Variants in MMP2 observed in about 807,000 individuals in gnomAD.
MMP2 encodes the protein 72 kDa type IV collagenase.
In MMP2, 39 loss-of-function variants were observed where a neutral mutation model predicts 74.8. That is an observed-to-expected ratio of 0.52 (90% CI 0.40 to 0.68). The LOEUF (loss-of-function observed/expected upper bound fraction) is 0.68. Among genes scored for constraint, MMP2 ranks in the 30% least tolerant of loss-of-function variants. MMP2 has a pLI of 0.00. For synonymous variants in MMP2, 367 were observed against 339.8 expected, an observed-to-expected ratio of 1.08 and a Z score of -0.88; for missense variants, 803 against 878.3, an observed-to-expected ratio of 0.91 and a Z score of 1.08.
intron 9 of MMP2, among the ~76,000 whole-genome samples, chr16:55,494,330 T>A (rs1962484834): frequency 6.6e-6 from 1 of 152,208 alleles, no homozygotes; most frequent in Non-Finnish European, 1.5e-5. Flanking sequence ...CCAACCTATC[T>A]CCTAGGGCTG....
In MMP2 at chr16:55,485,688, C is replaced by G. The variant is rs749815676; in HGVS notation, c.743C>G (p.Thr248Ser). ...LFNGKEYNSC[T>S]DTGRSDGFLW... is the part of the protein sequence containing the mutation. ...AATGGCAAGGAGTACAACAGCTGCA[C>G]TGATACCGGCCGCAGCGATGGCTTC... Residue 248 changes from threonine (T) to serine (S), a missense_variant, in exon 5 of 13, where the codon ACT (threonine) becomes AGT (serine). Thr to Ser is a moderately conservative substitution (Grantham distance 58). Transcript: ENST00000219070. 1.2e-6 allele frequency: 2 copies of G among 1,614,166 alleles called. No individual in the cohort carries two copies. The highest frequency in any genetic ancestry group is 3.3e-5 in the Admixed American group (2 of 60,030).
chr16:55,484,906 C>A (rs1235243355), intron 3 of MMP2, among the ~76,000 whole-genome samples: 2 of 152,058 alleles, frequency 1.3e-5, no homozygotes, highest in Non-Finnish European at 2.9e-5. Flanking sequence ...GATAGTGTGA[C>A]ATGAAGGCAG....
intron 1 of MMP2, chr16:55,481,736 C>T: frequency 1.5e-6 from 1 of 658,030 alleles, no homozygotes; most frequent in Admixed American, 2.4e-5. Context: ...CGCTTGGCTT[C>T]AAATCAAAGA....
rs937775108 is a variant in MMP2, at chr16:55,479,716, G to A, written c.153+84G>A. The stretch of plus-strand genomic sequence containing the variant: ...TGGGGGTGTCTCTCCCCCTGCCCTC[G>A]GCGGTGGGCACACAGCGTGGGGGAG... On this transcript the variant is annotated intron_variant, in intron 1 of 12. Coordinates refer to ENST00000219070, the MANE Select transcript of MMP2 (RefSeq NM_004530.6). 5 of 1,574,722 alleles carry A rather than the reference G, an allele frequency of 3.2e-6. No homozygotes were observed. In the East Asian group the frequency reaches 1.1e-4, roughly 36 times the overall value.
rs1367429783 is a variant in MMP2, at chr16:55,485,664, A to G, written c.719A>G (p.Asn240Ser). The change falls in exon 5 of 13, where the codon AAT becomes AGT. Residue 240 changes from asparagine (N) to serine (S), a missense_variant. Transcript: ENST00000219070. ...TACTGCAAGTTCCCCTTCTTGTTCAATGGCAAGGAGTACAACAGCTGCACT... is the reference window on the plus strand; with the variant it reads ...TACTGCAAGTTCCCCTTCTTGTTCAGTGGCAAGGAGTACAACAGCTGCACT... ...GEYCKFPFLFNGKEYNSCTDT... is the reference protein window; with the variant it reads ...GEYCKFPFLFSGKEYNSCTDT... 31 of 1,614,014 alleles carry G rather than the reference A, an allele frequency of 1.9e-5. No homozygotes were observed. The highest frequency in any genetic ancestry group is 2.6e-5 in the Non-Finnish European group (31 of 1,180,010).
Position 55,492,009 on chromosome 16 carries a change from G to A in MMP2, c.1336+53G>A, listed in dbSNP as rs1962421457. The A allele has an allele frequency of 1.9e-6, 3 of 1,557,536 alleles. No individual in the cohort carries two copies. The South Asian group carries it at 3.4e-5, about 18-fold the overall frequency. ...GGAGGGTGAGGAGGGGGGAGGTCAT[G>A]TAGCCTGGGATGGAGGCCCAGGGGG... On this transcript the variant is annotated intron_variant, in intron 8 of 12. Coordinates refer to ENST00000219070, the MANE Select transcript of MMP2 (RefSeq NM_004530.6).
At position 55,496,994 on chromosome 16, in the gene MMP2, C is replaced by T. The variant is rs1443486268; in HGVS notation, c.1541C>T (p.Pro514Leu). The change falls in exon 10 of 13, where the codon CCT becomes CTT. Residue 514 changes from proline (P) to leucine (L), a missense_variant. By Grantham distance (98) the Pro-to-Leu change is moderately conservative. Coordinates refer to ENST00000219070, the MANE Select transcript of MMP2 (RefSeq NM_004530.6). ...CCCCTGCTGGTGGCCACATTCTGGC[C>T]TGAGCTCCCGGAAAAGATTGATGCG... is the stretch of plus-strand genomic sequence containing the variant. ...MGPLLVATFW[P>L]ELPEKIDAVY... The T allele has an allele frequency of 1.9e-6, 3 of 1,614,180 alleles. No homozygotes were observed. The highest frequency in any genetic ancestry group is 2.5e-6 in the Non-Finnish European group (3 of 1,180,040).
rs1447212732 is a variant in MMP2, at chr16:55,498,367, CT to C, written c.1689del (p.Asp564MetfsTer31). The C allele has an allele frequency of 6.2e-7, 1 of 1,614,258 alleles. No individual in the cohort carries two copies. Among genetic ancestry groups the C allele is most frequent in the African/African-American group, 1.3e-5 (1 of 75,072 alleles). ...CCACTGACCAGCCTGGGACTGCCCC[CT>C]GATGTCCAGCGAGTGGATGCCGCCT... ...PKPLTSLGLP[P>X]DVQRVDAAFN... is the part of the protein sequence containing the mutation. On this transcript the variant is annotated frameshift_variant, in exon 11 of 13. Coordinates refer to ENST00000219070, the MANE Select transcript of MMP2 (RefSeq NM_004530.6). LOFTEE classifies it high-confidence loss of function.
In MMP2 at chr16:55,492,964, G is replaced by A. The variant is rs243844; in HGVS notation, c.1337-194G>A. On this transcript the variant is annotated intron_variant, in intron 8 of 12. Coordinates refer to ENST00000219070, the MANE Select transcript of MMP2 (RefSeq NM_004530.6). ...CTGATTTGGGTGATGTCAGTAAAAA[G>A]CATATATAAAGTACAAAGGGCCCCA... Among the ~76,000 whole-genome samples the A allele has an allele frequency of 0.36, 55,259 of 151,968 alleles. 10,109 individuals are homozygous for A. The highest frequency in any genetic ancestry group is 0.39 in the South Asian group (1,866 of 4,818).
intron 11 of MMP2, among the ~76,000 whole-genome samples, chr16:55,500,979 G>C (rs1276753429): frequency 6.6e-6 from 1 of 152,236 alleles, no homozygotes; most frequent in Non-Finnish European, 1.5e-5. Context: ...AGCTGCTGGA[G>C]AGACGGGGGT....
intron 10 of MMP2, among the ~76,000 whole-genome samples, chr16:55,497,755 A>G (rs1467785921): frequency 1.3e-5 from 2 of 152,182 alleles, no homozygotes; most frequent in Non-Finnish European, 2.9e-5. Context: ...TACCCTGGGG[A>G]TACAAGCTCT....
intron 11 of MMP2, among the ~76,000 whole-genome samples, chr16:55,502,035 A>G (rs1229902350): frequency 6.6e-6 from 1 of 152,188 alleles, no homozygotes; most frequent in Non-Finnish European, 1.5e-5. Context: ...CCGATGCCCA[A>G]AGTATTTACC....
intron 6 of MMP2, 164 bp downstream of exon 6, chr16:55,488,880 T>A: frequency 1.3e-6 from 1 of 754,968 alleles, no homozygotes; most frequent in South Asian, 1.6e-5. Context: ...CTAGTCAGGA[T>A]ACTTGTCACC....
chr16:55,506,450 G>A lies in MMP2; in HGVS notation c.*1008G>A, dbSNP rs920941492. The A allele has an allele frequency of 6.6e-6, 1 of 152,186 alleles. No homozygotes were observed. The highest frequency in any genetic ancestry group is 1.9e-4 in the East Asian group (1 of 5,198). 9.4% of individuals were successfully genotyped at this position (152,186 alleles called of 1,614,324 possible). A position where few individuals can be genotyped will look rare whatever the true frequency, so the allele number is the denominator to read the frequency against. ...CTGTAGAAAGAGCCCTGAAGAATCA[G>A]CAATTTTGTTGCTTTATTGTGGCAT... On this transcript the variant is annotated 3_prime_UTR_variant, in exon 13 of 13. Coordinates refer to ENST00000219070, the MANE Select transcript of MMP2 (RefSeq NM_004530.6).
chr16:55,502,801 A>G lies in MMP2; in HGVS notation c.1792A>G (p.Met598Val), dbSNP rs756893685. ...CAGATACAATGAGGTGAAGAAGAAAATGGATCCTGGCTTCCCCAAGCTCAT... is the reference window on the plus strand; with the variant it reads ...CAGATACAATGAGGTGAAGAAGAAAGTGGATCCTGGCTTCCCCAAGCTCAT... Reference protein sequence around the residue: ...FWRYNEVKKKMDPGFPKLIAD... With the variant: ...FWRYNEVKKKVDPGFPKLIAD... The change falls in exon 12 of 13, where the codon ATG becomes GTG. Residue 598 changes from methionine (M) to valine (V), a missense_variant. Coordinates refer to ENST00000219070, the MANE Select transcript of MMP2 (RefSeq NM_004530.6). 6.2e-7 allele frequency: 1 copy of G among 1,614,044 alleles called. No homozygotes were observed. The highest frequency in any genetic ancestry group is 1.1e-5 in the South Asian group (1 of 91,084).
intron 1 of MMP2, among the ~76,000 whole-genome samples, chr16:55,481,378 A>G (rs1962095097): frequency 6.6e-6 from 1 of 152,234 alleles, no homozygotes; most frequent in Admixed American, 6.5e-5. Context: ...CTAATACATT[A>G]TAATTAGCAT....
At chr16:55,481,677 T>A in intron 1 of MMP2, 1 of 563,906 alleles carries the variant, frequency 1.8e-6, no homozygotes, top group Non-Finnish European at 3.2e-6. Flanking sequence ...GTCTGTGTTG[T>A]CCAGAGGCAA....
chr16:55,500,324 G>A (rs243836), intron 11 of MMP2, among the ~76,000 whole-genome samples: 70,436 of 151,734 alleles, frequency 0.46, 16,607 homozygotes, highest in East Asian at 0.62. Flanking sequence ...CTGGTGAGCC[G>A]CACAGACTCA....
intron 5 of MMP2, chr16:55,487,392 G>T (rs2142351862): frequency 6.6e-6 from 1 of 152,450 alleles, no homozygotes; most frequent in East Asian, 1.9e-4. Flanking sequence ...GGCTGGCATT[G>T]GTCGAAGTTA....
Sources: allele counts gnomAD v4.1 joint callset (sites outside exome capture counted in the v4.1 genomes callset), GRCh38; gene constraint gnomAD v4.1.1; transcripts MANE v1.5; gene names NCBI Gene and HGNC (gene_info 2026-07-23, HGNC 2026-07-21).